The following ACTR3C variants were observed in gnomAD, a reference collection of about 807,000 sequenced individuals.
The protein encoded by ACTR3C is actin-related protein 3C.
A neutral mutation model predicts 26.3 loss-of-function variants in ACTR3C; 18 were observed. The observed-to-expected ratio is 0.68, with a 90% CI of 0.47 to 1.01. The LOEUF is 1.01. Among genes scored for constraint, ACTR3C ranks in the 50% least tolerant of loss-of-function variants. The pLI, the probability that ACTR3C is intolerant of heterozygous loss-of-function variation, is 0.00. For missense variants in ACTR3C, 184 were observed against 250.7 expected, an observed-to-expected ratio of 0.73 and a Z score of 1.80; for synonymous variants, 55 against 94.5, an observed-to-expected ratio of 0.58 and a Z score of 2.42.
chr7:149,943,519 GAGTTTGAGACCAGC>G, the ACTR3C span, among the ~76,000 whole-genome samples: 2 of 151,420 alleles, frequency 1.3e-5, no homozygotes, highest in South Asian at 4.2e-4. Flanking sequence ...CTGAGATCAG[GAGTTTGAGACCAGC>G]CTGACCAACA....
At chr7:150,048,031 C>T in the ACTR3C span, among the ~76,000 whole-genome samples, 1 of 152,192 alleles carries the variant, frequency 6.6e-6, no homozygotes, top group Non-Finnish European at 1.5e-5. Context: ...CGAGTCTCCG[C>T]TGGCGACTCT....
chr7:149,915,099 G>C, the ACTR3C span, among the ~76,000 whole-genome samples: 2 of 152,028 alleles, frequency 1.3e-5, no homozygotes, highest in Non-Finnish European at 2.9e-5. Context: ...AGGCTAGTCT[G>C]GAACTCCTGG....
At chr7:149,951,346 G>A in the ACTR3C span, among the ~76,000 whole-genome samples, 1 of 145,598 alleles carries the variant, frequency 6.9e-6, no homozygotes, top group Non-Finnish European at 1.5e-5. Flanking sequence ...GTAAGACAAT[G>A]CAAATGCATT....
chr7:150,198,505 G>A, the ACTR3C span, among the ~76,000 whole-genome samples: 1 of 143,208 alleles, frequency 7.0e-6, no homozygotes. Flanking sequence ...CGCCCCATCT[G>A]GGATGTGAGG....
At chr7:150,047,886 G>A in the ACTR3C span, 3 of 1,431,726 alleles carry the variant, frequency 2.1e-6, no homozygotes, top group East Asian at 6.1e-5. Flanking sequence ...CTGTCTTTAG[G>A]GCTTTTTAAT....
rs151174037 is a variant in ACTR3C, at chr7:150,305,627, G to A, written c.-51-10280C>T. ...TTCAAAAAGTTTGCAAATCCCTTCC[G>A]AAGTTCTAATTCAGTTTCCACTCAA... On this transcript the variant is annotated intron_variant, in intron 1 of 7. Transcript: ENST00000683684. 7.2e-3 allele frequency among the ~76,000 whole-genome samples: 1,101 copies of A among 152,200 alleles called. 19 individuals are homozygous for A. The highest frequency in any genetic ancestry group is 0.024 in the African/African-American group (1,006 of 41,518).
chr7:149,997,257 T>G, the ACTR3C span, among the ~76,000 whole-genome samples: 561 of 152,060 alleles, frequency 3.7e-3, 5 homozygotes, highest in African/African-American at 0.013. Flanking sequence ...TTCATTTAGC[T>G]ATTTGGGCAA....
the ACTR3C span, among the ~76,000 whole-genome samples, chr7:150,005,997 C>G: frequency 2.0e-5 from 3 of 152,088 alleles, no homozygotes; most frequent in South Asian, 4.2e-4. Context: ...CCCTTGGCTG[C>G]TGGACTGAGA....
chr7:150,210,445 T>C, the ACTR3C span, among the ~76,000 whole-genome samples: 1 of 149,796 alleles, frequency 6.7e-6, no homozygotes, highest in African/African-American at 2.5e-5. Context: ...AAAAGCTTTT[T>C]TGGTAATAGC....
the ACTR3C span, among the ~76,000 whole-genome samples, chr7:150,158,660 C>T: frequency 6.6e-5 from 10 of 152,290 alleles, no homozygotes; most frequent in South Asian, 2.1e-4. Flanking sequence ...CAGTTGAGGA[C>T]GGGTGATCTT....
chr7:149,903,643 G>A, the ACTR3C span, among the ~76,000 whole-genome samples: 1 of 151,594 alleles, frequency 6.6e-6, no homozygotes, highest in East Asian at 1.9e-4. Context: ...CTGGGCTCAA[G>A]CAATCATCCC....
chr7:149,900,067 T>G, the ACTR3C span, among the ~76,000 whole-genome samples: 2 of 146,460 alleles, frequency 1.4e-5, no homozygotes, highest in African/African-American at 5.1e-5. Context: ...ATCAAGACTT[T>G]CCGTTGAAAT....
At chr7:149,936,497 A>T in the ACTR3C span, among the ~76,000 whole-genome samples, 149,594 of 152,356 alleles carry the variant, frequency 0.98, 73,457 homozygotes, top group East Asian at 1. Context: ...AATTTACTCT[A>T]CATGATGACT....
At chr7:150,220,409 C>A in the ACTR3C span, among the ~76,000 whole-genome samples, 1 of 145,606 alleles carries the variant, frequency 6.9e-6, no homozygotes, top group African/African-American at 2.7e-5. Flanking sequence ...CGAGGTGGGT[C>A]CTCCTTCTGC....
chr7:150,090,896 G>A, the ACTR3C span, among the ~76,000 whole-genome samples: 2 of 152,250 alleles, frequency 1.3e-5, no homozygotes, highest in Non-Finnish European at 2.9e-5. Flanking sequence ...ACTCTGGGGT[G>A]AGAAAGTGGC....
the ACTR3C span, among the ~76,000 whole-genome samples, chr7:150,055,603 G>A: frequency 6.6e-6 from 1 of 151,562 alleles, no homozygotes; most frequent in African/African-American, 2.4e-5. Context: ...TTGAACTGAT[G>A]TTTAAGTTTC....
the ACTR3C span, among the ~76,000 whole-genome samples, chr7:150,159,573 A>C: frequency 3.3e-5 from 5 of 152,204 alleles, no homozygotes; most frequent in African/African-American, 1.2e-4. Context: ...TTAAGGAATA[A>C]TTCATCACAA....
the ACTR3C span, among the ~76,000 whole-genome samples, chr7:150,238,912 T>C: frequency 2.7e-5 from 4 of 148,460 alleles, no homozygotes; most frequent in South Asian, 8.4e-4. Context: ...CCAAATGTTA[T>C]TTCTAAAACT....
the ACTR3C span, among the ~76,000 whole-genome samples, chr7:150,162,848 C>T: frequency 6.6e-6 from 1 of 152,040 alleles, no homozygotes; most frequent in Non-Finnish European, 1.5e-5. Flanking sequence ...GTAGAGCAAG[C>T]TAGACATCAG....
Sources: allele counts gnomAD v4.1 joint callset (sites outside exome capture counted in the v4.1 genomes callset), GRCh38; gene constraint gnomAD v4.1.1; transcripts MANE v1.5; gene names NCBI Gene and HGNC (gene_info 2026-07-23, HGNC 2026-07-21).